RBPJL: variants seen among roughly 807,000 people sequenced by gnomAD.
The protein encoded by RBPJL is recombining binding protein suppressor of hairless-like protein.
RBPJL carries 50 observed loss-of-function variants against 57.6 expected under a neutral mutation model. The observed-to-expected ratio is 0.87, with a 90% CI of 0.69 to 1.10. The LOEUF (loss-of-function observed/expected upper bound fraction) is 1.10, where lower values mean the gene tolerates loss of function less well. Ranked by LOEUF, RBPJL falls within the 50% of genes least tolerant of loss-of-function variation. RBPJL has a pLI of 0.00. For synonymous variants in RBPJL, 303 were observed against 294.4 expected, an observed-to-expected ratio of 1.03 and a Z score of -0.30; for missense variants, 684 against 693.7, an observed-to-expected ratio of 0.99 and a Z score of 0.16.
intron 6 of RBPJL, 99 bp downstream of exon 6, chr20:45,312,494 A>G (rs1043127464): frequency 2.4e-5 from 30 of 1,234,934 alleles, no homozygotes; most frequent in Non-Finnish European, 3.0e-5. Context: ...GGCTGGGCTT[A>G]GGGGTCAGAG....
chr20:45,308,484 G>C lies in RBPJL; in HGVS notation c.131+233G>C, dbSNP rs573485232. On this transcript the variant is annotated intron_variant, in intron 2 of 11. Transcript: ENST00000343694. ...ACAGGGCTAGCTGCGGGCCAGGCTG[G>C]AATTCAGCTACAGCGGGAGACTGGG... The C allele has an allele frequency of 3.2e-5, 18 of 554,990 alleles. 1 individual carries two copies. Among genetic ancestry groups the C allele is most frequent in the African/African-American group, 2.1e-4 (11 of 53,134 alleles). The allele number at this position is 554,990 out of a possible 1,614,324, so 34.4% of individuals were successfully genotyped here. A position where few individuals can be genotyped will look rare whatever the true frequency, so the allele number is the denominator to read the frequency against.
rs770239125 is a variant in RBPJL at position 45,316,979 on chromosome 20, CT to C, written c.*21del. On this transcript the variant is annotated 3_prime_UTR_variant, in exon 12 of 12. Transcript: ENST00000343694. Reference sequence around the variant, plus strand: ...ACTTAGGCGCGCCCGGTAGCCCCGGCTGCCCACCCTGGAGGGCTGCGCCCGC... The same window carrying C: ...ACTTAGGCGCGCCCGGTAGCCCCGGCGCCCACCCTGGAGGGCTGCGCCCGC... The C allele has an allele frequency of 6.2e-7, 1 of 1,602,952 alleles. No homozygotes were observed. Among genetic ancestry groups the C allele is most frequent in the South Asian group, 1.1e-5 (1 of 90,246 alleles).
At chr20:45,312,490 G>A in intron 6 of RBPJL, 95 bp downstream of exon 6, 3 of 1,283,774 alleles carry the variant, frequency 2.3e-6, no homozygotes, top group South Asian at 1.4e-5. Flanking sequence ...GGTAGGCTGG[G>A]CTTAGGGGTC....
Position 45,316,220 on chromosome 20 carries a change from C to T in RBPJL, c.1054C>T (p.Leu352=). 1 of 1,614,262 alleles carries T rather than the reference C, an allele frequency of 6.2e-7. No homozygotes were observed. Among genetic ancestry groups the T allele is most frequent in the Non-Finnish European group, 8.5e-7 (1 of 1,180,030 alleles). The part of the protein sequence containing the change: ...SPCPKEANRA[L]LNDSSCWTII... ...CTGCCCCAAGGAGGCGAACAGGGCT[C>T]TGCTTAACGACAGCTCTTGCTGGAC... Residue 352 remains leucine (L), a synonymous_variant, in exon 10 of 12, where the codon CTG becomes TTG. Coordinates refer to ENST00000343694, the MANE Select transcript of RBPJL (RefSeq NM_014276.4).
At chr20:45,313,376 C>A in intron 6 of RBPJL, 92 bp from the exon 7 acceptor site, 1 of 1,100,260 alleles carries the variant, frequency 9.1e-7, no homozygotes. Context: ...AACCCTCACC[C>A]TAACCCTAAC....
intron 6 of RBPJL, among the ~76,000 whole-genome samples, chr20:45,313,056 T>C (rs1987269042): frequency 6.6e-6 from 1 of 151,160 alleles, no homozygotes; most frequent in Admixed American, 6.6e-5. Context: ...CTGAAAGATG[T>C]CCAGACAGCA....
chr20:45,312,131 A>G, intron 5 of RBPJL, 90 bp from the exon 6 acceptor site: 1 of 1,584,368 alleles, frequency 6.3e-7, no homozygotes, highest in Non-Finnish European at 8.6e-7. Flanking sequence ...GTCACCTCCG[A>G]CGGGGCGGAC....
rs1193296454 is a variant in RBPJL at position 45,317,011 on chromosome 20, G to A, written c.*52G>A. ...CCCTGGAGGGCTGCGCCCGCGCCAGGCGCGGGGACGTGTTTCTGGGTTCTA... is the reference window on the plus strand; with the variant it reads ...CCCTGGAGGGCTGCGCCCGCGCCAGACGCGGGGACGTGTTTCTGGGTTCTA... On this transcript the variant is annotated 3_prime_UTR_variant, in exon 12 of 12. Coordinates refer to ENST00000343694, the MANE Select transcript of RBPJL (RefSeq NM_014276.4). 21 of 1,558,842 alleles carry A rather than the reference G, an allele frequency of 1.3e-5. No homozygotes were observed. The highest frequency in any genetic ancestry group is 2.7e-5 in the African/African-American group (2 of 73,146).
intron 2 of RBPJL, 93 bp from the exon 3 acceptor site, chr20:45,309,474 C>T: frequency 5.8e-6 from 8 of 1,379,948 alleles, no homozygotes; most frequent in Non-Finnish European, 7.8e-6. Context: ...ACCCCCTGCT[C>T]ACTTCATTTT....
intron 3 of RBPJL, among the ~76,000 whole-genome samples, chr20:45,310,918 G>A (rs1322952643): frequency 6.6e-6 from 1 of 152,042 alleles, no homozygotes; most frequent in Non-Finnish European, 1.5e-5. Context: ...TTCCAGACCT[G>A]CATGGGCAAC....
chr20:45,307,939 C>T (rs1458112858), intron 1 of RBPJL, among the ~76,000 whole-genome samples: 2 of 151,962 alleles, frequency 1.3e-5, no homozygotes, highest in African/African-American at 2.4e-5. Flanking sequence ...CTCAAAAGTC[C>T]CTTAGGGACA....
Position 45,313,507 on chromosome 20 carries a change from G to T in RBPJL, c.659G>T (p.Arg220Leu). The T allele has an allele frequency of 1.2e-6, 2 of 1,613,716 alleles. No homozygotes were observed. Among genetic ancestry groups the T allele is most frequent in the East Asian group, 2.2e-5 (1 of 44,870 alleles). Residue 220 changes from arginine to leucine, a missense_variant, in exon 7 of 12, where the codon CGC (arginine) becomes CTC (leucine). Arg to Leu is a moderately radical substitution (Grantham distance 102). Transcript: ENST00000343694. ...GGCTCAAAGGTCTCCCTCTTCAACC[G>T]CCTGCGCTCTCAGACGGTCTCCACA... is the stretch of plus-strand genomic sequence containing the variant. Reference protein sequence around the residue: ...SSGSKVSLFNRLRSQTVSTRY... With the variant: ...SSGSKVSLFNLLRSQTVSTRY...
intron 7 of RBPJL, 124 bp from the exon 8 acceptor site, chr20:45,313,911 G>A (rs1284699476): frequency 3.9e-6 from 3 of 765,698 alleles, no homozygotes; most frequent in Admixed American, 4.3e-5. Flanking sequence ...GCTCCCCTGA[G>A]TACCAAGCTT....
Position 45,311,599 on chromosome 20 carries a change from C to T in RBPJL, c.268C>T (p.Pro90Ser). Reference protein sequence around the residue: ...SYGNEKRFFCPPPCVYLSGPG... With the variant: ...SYGNEKRFFCSPPCVYLSGPG... ...CACTTATCTCCGCAGGTTCTTCTGC[C>T]CCCCGCCCTGTGTCTACCTCTCGGG... The change falls in exon 4 of 12, where the codon CCC (proline) becomes TCC (serine). Residue 90 changes from proline (P) to serine (S), a missense_variant. Pro to Ser is a moderately conservative substitution (Grantham distance 74). Coordinates refer to ENST00000343694, the MANE Select transcript of RBPJL (RefSeq NM_014276.4). 6.2e-7 allele frequency: 1 copy of T among 1,614,150 alleles called. No homozygotes were observed. The highest frequency in any genetic ancestry group is 8.5e-7 in the Non-Finnish European group (1 of 1,180,024).
Position 45,314,074 on chromosome 20 carries a change from A to G in RBPJL, c.797A>G (p.Glu266Gly), listed in dbSNP as rs1208883796. The G allele has an allele frequency of 6.2e-7, 1 of 1,614,176 alleles. No individual in the cohort carries two copies. Among genetic ancestry groups the G allele is most frequent in the South Asian group, 1.1e-5 (1 of 91,082 alleles). ...GCCCAAGGAGACTTCCCACCGCGAG[A>G]GGGCTACGTTCGCTATGGCTCCCTG... ...HSAQGDFPPREGYVRYGSLVQ... is the reference protein window; with the variant it reads ...HSAQGDFPPRGGYVRYGSLVQ... The change falls in exon 8 of 12, where the codon GAG becomes GGG. Residue 266 changes from glutamate to glycine, a missense_variant. By Grantham distance (98) the Glu-to-Gly change is moderately conservative. Coordinates refer to ENST00000343694, the MANE Select transcript of RBPJL (RefSeq NM_014276.4).
In RBPJL at chr20:45,312,234, C is replaced by T. The variant is rs1387955453; in HGVS notation, c.458C>T (p.Ala153Val). The T allele has an allele frequency of 6.2e-7, 1 of 1,614,218 alleles. No individual in the cohort carries two copies. Among genetic ancestry groups the T allele is most frequent in the South Asian group, 1.1e-5 (1 of 91,082 alleles). Reference sequence around the variant, plus strand: ...TGAGCCCCCTAGGAATTCGGCTGCGCCAAGACCCTGTACATCTCAGATGCA... The same window carrying T: ...TGAGCCCCCTAGGAATTCGGCTGCGTCAAGACCCTGTACATCTCAGATGCA... ...QQPDSREFGC[A>V]KTLYISDADK... The change falls in exon 6 of 12, where the codon GCC becomes GTC. Residue 153 changes from alanine (A) to valine (V), a missense_variant. Ala to Val is a moderately conservative substitution (Grantham distance 64). Coordinates refer to ENST00000343694, the MANE Select transcript of RBPJL (RefSeq NM_014276.4).
intron 6 of RBPJL, among the ~76,000 whole-genome samples, chr20:45,312,798 A>G (rs1383290718): frequency 2.7e-5 from 4 of 148,444 alleles, no homozygotes; most frequent in Non-Finnish European, 5.9e-5. Context: ...AAGACTAGCT[A>G]GGGCAACATG....
At chr20:45,312,175 G>A (rs754316713) in intron 5 of RBPJL, 46 bp from the exon 6 acceptor site, 54 of 1,612,684 alleles carry the variant, frequency 3.3e-5, no homozygotes, top group Non-Finnish European at 4.3e-5. Context: ...TTCATCCGAC[G>A]GGGGAGGGCT....
chr20:45,315,160 A>T (rs943300757), intron 9 of RBPJL, among the ~76,000 whole-genome samples: 24 of 152,254 alleles, frequency 1.6e-4, no homozygotes, highest in African/African-American at 4.8e-4. Flanking sequence ...TAGAGAGCAG[A>T]GAATTAATGA....
Sources: gnomAD v4.1 joint callset for allele counts (sites outside exome capture counted in the v4.1 genomes callset) on GRCh38, gnomAD v4.1.1 for gene constraint, MANE v1.5 for transcripts, NCBI Gene and HGNC (gene_info 2026-07-23, HGNC 2026-07-21) for gene names.